THADA: variants seen among roughly 807,000 people sequenced by gnomAD.
THADA encodes THADA armadillo repeat containing.
Under a neutral mutation model 219.8 loss-of-function variants are expected in THADA, and 213 were observed. The ratio of observed to expected loss-of-function variants is 0.97; its 90% CI spans 0.87 to 1.09. THADA has a LOEUF of 1.09. Ranked by LOEUF, THADA falls within the 50% of genes least tolerant of loss-of-function variation. The probability of loss-of-function intolerance (pLI) is 0.00; values close to 1 mark genes in which losing one functional copy is unlikely to be tolerated. For missense variants in THADA, 2,956 were observed against 2,311.3 expected (o/e 1.28, Z -5.72); for synonymous variants, 1,018 against 828.9 (o/e 1.23, Z -3.92).
intron 26 of THADA, among the ~76,000 whole-genome samples, chr2:43,442,153 A>G (rs1196107637): frequency 6.6e-6 from 1 of 152,168 alleles, no homozygotes; most frequent in Non-Finnish European, 1.5e-5. Flanking sequence ...TTGGAAACCA[A>G]GTCCGGCTGC....
Position 43,524,227 on chromosome 2 carries a change from G to A in THADA, c.3374+3652C>T, listed in dbSNP as rs781730442. The stretch of plus-strand genomic sequence containing the variant: ...TAACTCAACACACTATTTGTGTTAT[G>A]TGTGTTGCAAGTGTTGCTTTCAAAA... On this transcript the variant is annotated intron_variant, in intron 22 of 37. Transcript: ENST00000405975. 4.7e-4 allele frequency among the ~76,000 whole-genome samples: 71 copies of A among 152,214 alleles called. 1 individual carries two copies.
chr2:43,240,303 G>T (rs995247488), intron 36 of THADA, among the ~76,000 whole-genome samples: 1 of 152,314 alleles, frequency 6.6e-6, no homozygotes, highest in African/African-American at 2.4e-5. Flanking sequence ...GAGTGTTACT[G>T]CACTTTCTTT....
chr2:43,443,727 C>G (rs1185991910), intron 26 of THADA, among the ~76,000 whole-genome samples: 1 of 152,198 alleles, frequency 6.6e-6, no homozygotes, highest in Non-Finnish European at 1.5e-5. Context: ...GAGAATGAAG[C>G]AGCTTTAAAT....
At chr2:43,261,403 T>G (rs1171537633) in intron 36 of THADA, among the ~76,000 whole-genome samples, 1 of 151,620 alleles carries the variant, frequency 6.6e-6, no homozygotes, top group Non-Finnish European at 1.5e-5. Context: ...TTTGTATTTT[T>G]AGTAGAGATG....
At chr2:43,493,213 T>A (rs1322957139) in intron 25 of THADA, among the ~76,000 whole-genome samples, 3 of 152,064 alleles carry the variant, frequency 2.0e-5, no homozygotes, top group African/African-American at 7.2e-5. Flanking sequence ...GATAAAAATA[T>A]AGGCCAGGCG....
chr2:43,494,176 G>A (rs1687986678), intron 25 of THADA, among the ~76,000 whole-genome samples: 1 of 152,162 alleles, frequency 6.6e-6, no homozygotes, highest in Non-Finnish European at 1.5e-5. Flanking sequence ...GATGAACTTT[G>A]ACCAGTAAAA....
intron 31 of THADA, among the ~76,000 whole-genome samples, chr2:43,307,544 G>A (rs1042787488): frequency 3.3e-5 from 5 of 152,240 alleles, no homozygotes; most frequent in Admixed American, 1.3e-4. Flanking sequence ...CTCACCCAGA[G>A]TAGAGACCTT....
Position 43,396,410 on chromosome 2 carries a change from T to C in THADA, c.4227+1561A>G, listed in dbSNP as rs180842479. ...ATCATGACTGCCTATTTTCTGGTCC[T>C]TTTTTGTCCTTGGCTCCTTCAAGGC... On this transcript the variant is annotated intron_variant, in intron 29 of 37. Transcript: ENST00000405975. Among the ~76,000 whole-genome samples, 305 of 152,342 alleles carry C rather than the reference T, an allele frequency of 2.0e-3. 6 individuals carry two copies. The South Asian group carries it at 0.044, about 22-fold the overall frequency.
In THADA at chr2:43,321,751, A is replaced by G. The variant is rs544950006; in HGVS notation, c.4344-1211T>C. On this transcript the variant is annotated intron_variant, in intron 30 of 37. Coordinates refer to ENST00000405975, the MANE Select transcript of THADA (RefSeq NM_022065.5). ...TACTGTGAGTCACTGTGAGTGTTCA[A>G]TGTGGCACAGTAAACTTAAAATGCC... Among the ~76,000 whole-genome samples, 3 of 152,334 alleles carry G rather than the reference A, an allele frequency of 2.0e-5. No individual in the cohort carries two copies. The South Asian group carries it at 6.2e-4, about 32-fold the overall frequency.
chr2:43,516,936 G>C (rs1422802592), intron 22 of THADA, among the ~76,000 whole-genome samples: 3 of 152,102 alleles, frequency 2.0e-5, no homozygotes, highest in African/African-American at 7.2e-5. Flanking sequence ...TTTTCATGTG[G>C]CTTTGGAATG....
At chr2:43,330,174 G>A (rs574659036) in intron 30 of THADA, among the ~76,000 whole-genome samples, 1 of 152,306 alleles carries the variant, frequency 6.6e-6, no homozygotes, top group African/African-American at 2.4e-5. Context: ...CATTCACCAA[G>A]TGCCTCTAGA....
chr2:43,571,816 G>C lies in THADA; in HGVS notation c.1955C>G (p.Thr652Arg). ...LGLLCESNRS[T>R]EIVSMEEMQW... ...CATTTCTTCCATGGAAACAATTTCTGTGCTCCGATTACTTTCACAAAGCAA... is the reference window on the plus strand; with the variant it reads ...CATTTCTTCCATGGAAACAATTTCTCTGCTCCGATTACTTTCACAAAGCAA... Residue 652 changes from threonine to arginine, a missense_variant, in exon 13 of 38, where the codon ACA (threonine) becomes AGA (arginine). Thr to Arg is a moderately conservative substitution (Grantham distance 71). Transcript: ENST00000405975. The C allele has an allele frequency of 1.9e-6, 3 of 1,613,882 alleles. No individual in the cohort carries two copies. Among genetic ancestry groups the C allele is most frequent in the Non-Finnish European group, 2.5e-6 (3 of 1,179,842 alleles).
At chr2:43,539,571 G>T (rs987383042) in intron 21 of THADA, among the ~76,000 whole-genome samples, 2 of 152,184 alleles carry the variant, frequency 1.3e-5, no homozygotes, top group Non-Finnish European at 2.9e-5. Flanking sequence ...CGGGGTTCCA[G>T]TGTTAGAACA....
intron 20 of THADA, among the ~76,000 whole-genome samples, chr2:43,548,483 G>GA (rs1172177242): frequency 6.6e-6 from 1 of 152,214 alleles, no homozygotes; most frequent in Non-Finnish European, 1.5e-5. Flanking sequence ...GGAGCCTACA[G>GA]AGGCAGGCAG....
At chr2:43,548,110 T>C (rs969655225) in intron 20 of THADA, among the ~76,000 whole-genome samples, 1 of 152,192 alleles carries the variant, frequency 6.6e-6, no homozygotes, top group Non-Finnish European at 1.5e-5. Context: ...GCAGGTCTGT[T>C]GGAGTTTGCT....
intron 29 of THADA, among the ~76,000 whole-genome samples, chr2:43,358,389 T>C (rs1283423096): frequency 6.8e-6 from 1 of 147,614 alleles, no homozygotes. Flanking sequence ...CTCTCTGGTC[T>C]CCTCCTTTGA....
Position 43,577,203 on chromosome 2 carries a change from C to T in THADA, c.856G>A (p.Val286Ile). The change falls in exon 10 of 38, where the codon GTC becomes ATC. Residue 286 changes from valine (V) to isoleucine (I), a missense_variant. Transcript: ENST00000405975. The part of the protein sequence containing the change: ...VLLRSVDCTS[V>I]PEWFMSSCRS... ...CAGCTGCTCATAAACCACTCGGGGA[C>T]ACTGGTGCAGTCCACTGAACGAAGC... 1 of 1,602,082 alleles carries T rather than the reference C, an allele frequency of 6.2e-7. No individual in the cohort carries two copies. Among genetic ancestry groups the T allele is most frequent in the East Asian group, 2.3e-5 (1 of 44,432 alleles).
intron 30 of THADA, among the ~76,000 whole-genome samples, chr2:43,342,030 T>C (rs904750791): frequency 6.6e-6 from 1 of 152,046 alleles, no homozygotes; most frequent in Admixed American, 6.5e-5. Context: ...GGGCAATCTG[T>C]TGAAACTCCT....
intron 36 of THADA, among the ~76,000 whole-genome samples, chr2:43,272,998 C>T (rs1466117531): frequency 6.6e-6 from 1 of 151,782 alleles, no homozygotes; most frequent in Non-Finnish European, 1.5e-5. Flanking sequence ...CCTGTAATCC[C>T]AGCATTTTGG....
Sources: gnomAD v4.1 joint callset for allele counts (sites outside exome capture counted in the v4.1 genomes callset) on GRCh38, gnomAD v4.1.1 for gene constraint, MANE v1.5 for transcripts, NCBI Gene and HGNC (gene_info 2026-07-23, HGNC 2026-07-21) for gene names.